TUSC3: variants seen among roughly 807,000 people sequenced by gnomAD.
TUSC3 encodes the protein dolichyl-diphosphooligosaccharide--protein glycosyltransferase subunit TUSC3.
Under a neutral mutation model 44.8 loss-of-function variants are expected in TUSC3, and 45 were observed. The observed-to-expected ratio is 1.00, with a 90% CI of 0.79 to 1.29. TUSC3 has a LOEUF of 1.29. Ranked by LOEUF, TUSC3 falls within the 50% of genes most tolerant of loss-of-function variation. TUSC3 has a pLI of 0.00. For synonymous variants in TUSC3, 212 were observed against 152.9 expected, an observed-to-expected ratio of 1.39 and a Z score of -2.85; for missense variants, 519 against 437.9, an observed-to-expected ratio of 1.19 and a Z score of -1.65.
intron 2 of TUSC3, among the ~76,000 whole-genome samples, chr8:15,488,715 C>T (rs979210878): frequency 3.9e-5 from 6 of 152,100 alleles, no homozygotes; most frequent in Non-Finnish European, 7.4e-5. Flanking sequence ...TTTTCTTTCT[C>T]TCCCATATGA....
At chr8:15,835,282 GTC>G in the TUSC3 span, among the ~76,000 whole-genome samples, 5 of 152,038 alleles carry the variant, frequency 3.3e-5, no homozygotes, top group Admixed American at 2.6e-4. Flanking sequence ...TATCTTCTAT[GTC>G]TCTGTTATTT....
intron 2 of TUSC3, among the ~76,000 whole-genome samples, chr8:15,635,607 G>T (rs1009405305): frequency 6.6e-6 from 1 of 152,144 alleles, no homozygotes; most frequent in Non-Finnish European, 1.5e-5. Flanking sequence ...TACTCTCACA[G>T]TGAGAGTCGT....
rs907285632 is a variant in TUSC3, at chr8:15,526,124, C to T, written n.189+42641C>T. Among the ~76,000 whole-genome samples, 11 of 152,000 alleles carry T rather than the reference C, an allele frequency of 7.2e-5. No individual in the cohort carries two copies. In the South Asian group the frequency reaches 1.0e-3, roughly 14 times the overall value. ...CTCGGCTCACTGCAAGCTCCGCCTCCAGGGTTCCCGCCATTCTTCTGCCTC... is the reference window on the plus strand; with the variant it reads ...CTCGGCTCACTGCAAGCTCCGCCTCTAGGGTTCCCGCCATTCTTCTGCCTC... On this transcript the variant is annotated intron_variant and non_coding_transcript_variant, in intron 2 of 5. Transcript: ENST00000503191.
the TUSC3 span, among the ~76,000 whole-genome samples, chr8:15,823,664 T>A: frequency 2.6e-5 from 4 of 152,196 alleles, no homozygotes; most frequent in African/African-American, 7.2e-5. Context: ...ATATAAAATG[T>A]TTGTACATAA....
chr8:15,770,081 A>G (rs1812414477), downstream of TUSC3, among the ~76,000 whole-genome samples: 1 of 152,246 alleles, frequency 6.6e-6, no homozygotes, highest in Non-Finnish European at 1.5e-5. Flanking sequence ...ACAAAGGATT[A>G]TAAATCAATC....
intron 1 of TUSC3, among the ~76,000 whole-genome samples, chr8:15,425,547 C>T (rs1020959517): frequency 2.0e-5 from 3 of 152,020 alleles, no homozygotes; most frequent in African/African-American, 7.2e-5. Context: ...CCTGAAAAAC[C>T]CTTTGTTCTG....
chr8:15,832,427 A>T, the TUSC3 span, among the ~76,000 whole-genome samples: 1 of 152,176 alleles, frequency 6.6e-6, no homozygotes, highest in African/African-American at 2.4e-5. Context: ...AAATCCACAT[A>T]TAACAATCCT....
chr8:15,457,826 T>A (rs112300435), intron 1 of TUSC3, among the ~76,000 whole-genome samples: 55 of 98,240 alleles, frequency 5.6e-4, no homozygotes, highest in African/African-American at 1.8e-3. Context: ...GATAATTAAT[T>A]ATTAATAAAT....
intron 1 of TUSC3, among the ~76,000 whole-genome samples, chr8:15,467,865 C>G (rs576880594): frequency 1.2e-3 from 177 of 152,268 alleles, no homozygotes; most frequent in South Asian, 3.7e-3. Flanking sequence ...CAATACCTTT[C>G]TCTAATATTC....
At chr8:15,493,486 C>T (rs142323965) in intron 2 of TUSC3, among the ~76,000 whole-genome samples, 12 of 152,274 alleles carry the variant, frequency 7.9e-5, no homozygotes, top group African/African-American at 2.9e-4. Context: ...CGGTCTCGAA[C>T]TCCTGGCCTT....
chr8:15,823,166 C>T, the TUSC3 span, among the ~76,000 whole-genome samples: 1 of 152,094 alleles, frequency 6.6e-6, no homozygotes, highest in African/African-American at 2.4e-5. Flanking sequence ...TAACCTGTAC[C>T]AGTTCCTCTG....
intron 1 of TUSC3, among the ~76,000 whole-genome samples, chr8:15,425,893 A>G (rs1409445988): frequency 2.6e-5 from 4 of 152,184 alleles, no homozygotes; most frequent in African/African-American, 4.8e-5. Flanking sequence ...GCTCATGCCT[A>G]TAATCTCAAC....
chr8:15,498,744 C>A (rs1028402455), intron 2 of TUSC3, among the ~76,000 whole-genome samples: 1 of 152,102 alleles, frequency 6.6e-6, no homozygotes, highest in African/African-American at 2.4e-5. Flanking sequence ...TGTTTCCTTT[C>A]CTTGAAATAA....
At chr8:15,510,906 G>A (rs974184478) in intron 2 of TUSC3, among the ~76,000 whole-genome samples, 3 of 152,146 alleles carry the variant, frequency 2.0e-5, no homozygotes. Context: ...TAGAATGCAA[G>A]ATTGGTTTAC....
At chr8:15,613,105 T>G (rs934618981) in intron 1 of TUSC3, among the ~76,000 whole-genome samples, 2 of 149,130 alleles carry the variant, frequency 1.3e-5, no homozygotes, top group African/African-American at 4.9e-5. Flanking sequence ...TTATATGTGT[T>G]TGTGTGTGTG....
At chr8:15,719,297 C>G (rs1351037191) in intron 6 of TUSC3, among the ~76,000 whole-genome samples, 1 of 151,860 alleles carries the variant, frequency 6.6e-6, no homozygotes, top group Non-Finnish European at 1.5e-5. Flanking sequence ...ATATGTGCTT[C>G]CCCCAGAATC....
chr8:15,533,190 A>G (rs752392571), intron 2 of TUSC3, among the ~76,000 whole-genome samples: 1 of 152,152 alleles, frequency 6.6e-6, no homozygotes, highest in Non-Finnish European at 1.5e-5. Context: ...CTTCTGCCAT[A>G]ATTGTGAGGC....
chr8:15,611,912 G>T (rs1223899844), intron 1 of TUSC3, among the ~76,000 whole-genome samples: 2 of 152,128 alleles, frequency 1.3e-5, no homozygotes, highest in African/African-American at 4.8e-5. Flanking sequence ...TCTACTAAAT[G>T]CAAAACGATA....
the TUSC3 span, among the ~76,000 whole-genome samples, chr8:15,779,763 A>C: frequency 6.6e-6 from 1 of 152,224 alleles, no homozygotes; most frequent in African/African-American, 2.4e-5. Context: ...GTTTTACCAT[A>C]ATCTGTAAAT....
Sources: gnomAD v4.1 joint callset for allele counts (sites outside exome capture counted in the v4.1 genomes callset) on GRCh38, gnomAD v4.1.1 for gene constraint, MANE v1.5 for transcripts, NCBI Gene and HGNC (gene_info 2026-07-23, HGNC 2026-07-21) for gene names.